Variants in FAAH2 observed in about 807,000 individuals in gnomAD.
FAAH2 encodes the protein fatty-acid amide hydrolase 2.
A neutral mutation model predicts 36.9 loss-of-function variants in FAAH2; 60 were observed. That is an observed-to-expected ratio of 1.63 (90% CI 1.32 to 2.02). FAAH2 has a LOEUF of 2.02. Among genes scored for constraint, FAAH2 ranks in the 30% most tolerant of loss-of-function variants. FAAH2 has a pLI of 0.00. For missense variants in FAAH2, 689 were observed against 397.5 expected (o/e 1.73, Z -6.23); for synonymous variants, 214 against 143.8 (o/e 1.49, Z -3.49).
intron 10 of FAAH2, among the ~76,000 whole-genome samples, chrX:57,464,980 A>G (rs1198297324): frequency 8.9e-6 from 1 of 112,053 alleles, no homozygotes; most frequent in Non-Finnish European, 1.9e-5. Flanking sequence ...AAAGAAAACC[A>G]TGTTCTAAGA....
At chrX:57,305,568 C>T (rs2052497916) in intron 2 of FAAH2, among the ~76,000 whole-genome samples, 1 of 111,460 alleles carries the variant, frequency 9.0e-6, no homozygotes, top group Non-Finnish European at 1.9e-5. Flanking sequence ...TTTTATTTTG[C>T]AAAAGCCAAA....
chrX:57,264,877 G>A, the FAAH2 span, among the ~76,000 whole-genome samples: 8 of 112,192 alleles, frequency 7.1e-5, no homozygotes, highest in East Asian at 8.4e-4. Context: ...TGCCTCTCAC[G>A]GAGAGGAACC....
intron 2 of FAAH2, among the ~76,000 whole-genome samples, chrX:57,306,656 C>G (rs1050669796): frequency 1.0e-5 from 1 of 100,436 alleles, no homozygotes; most frequent in African/African-American, 3.6e-5. Context: ...TTTCACTTGG[C>G]TCAAGTGTTC....
At chrX:57,240,125 C>G in the FAAH2 span, among the ~76,000 whole-genome samples, 3 of 111,887 alleles carry the variant, frequency 2.7e-5, no homozygotes, top group African/African-American at 9.8e-5. Context: ...TTTCAGAGTT[C>G]TTGCACTGGT....
the FAAH2 span, among the ~76,000 whole-genome samples, chrX:57,203,165 T>C: frequency 8.9e-6 from 1 of 112,057 alleles, no homozygotes; most frequent in Non-Finnish European, 1.9e-5. Flanking sequence ...TTTACCCACA[T>C]ATTTATTGAC....
chrX:57,429,531 A>G (rs1280610535), intron 7 of FAAH2, among the ~76,000 whole-genome samples: 1 of 111,407 alleles, frequency 9.0e-6, no homozygotes, highest in Non-Finnish European at 1.9e-5. Context: ...TCAAAAAATA[A>G]CAGATATTGG....
intron 2 of FAAH2, among the ~76,000 whole-genome samples, chrX:57,307,854 A>G (rs1458368267): frequency 1.8e-5 from 2 of 110,346 alleles, no homozygotes; most frequent in African/African-American, 6.6e-5. Flanking sequence ...AGCATCCAGT[A>G]TTTAGCTCCC....
the FAAH2 span, among the ~76,000 whole-genome samples, chrX:57,248,506 C>A: frequency 1.8e-5 from 2 of 110,760 alleles, no homozygotes; most frequent in Non-Finnish European, 3.8e-5. Flanking sequence ...GTAATCCCAG[C>A]TGTTTGGGAG....
chrX:57,448,769 A>C lies in FAAH2; in HGVS notation c.1423+51A>C, dbSNP rs1198673872. ...TGTAATCTTAAAGAAATAGAGATGT[A>C]TGTTTCCAAGGAAAGCATAATTTTC... On this transcript the variant is annotated intron_variant, in intron 10 of 10. Transcript: ENST00000374900. The C allele has an allele frequency of 3.6e-6, 4 of 1,104,995 alleles. No homozygotes were observed. In the South Asian group the frequency reaches 8.0e-5, roughly 22 times the overall value. The allele number at this position is 1,104,995 out of a possible 1,213,427, so 91.1% of individuals were successfully genotyped here.
intron 10 of FAAH2, among the ~76,000 whole-genome samples, chrX:57,451,854 G>A (rs1020114563): frequency 1.8e-5 from 2 of 112,359 alleles, no homozygotes; most frequent in African/African-American, 6.5e-5. Flanking sequence ...AATGTCACTG[G>A]AATAACACAG....
At chrX:57,163,987 A>G in the FAAH2 span, among the ~76,000 whole-genome samples, 9 of 112,474 alleles carry the variant, frequency 8.0e-5, no homozygotes, top group Non-Finnish European at 1.7e-4. Context: ...ATTAGGTATA[A>G]TAACTATCTG....
chrX:57,323,682 G>GTTTTTT (rs141756561), intron 3 of FAAH2, among the ~76,000 whole-genome samples: 2 of 63,505 alleles, frequency 3.1e-5, no homozygotes, highest in South Asian at 9.6e-4. Flanking sequence ...TGATGGGGTT[G>GTTTTTT]TTTTTTTTTT....
At chrX:57,292,082 C>A (rs1380498826) in intron 1 of FAAH2, among the ~76,000 whole-genome samples, 1 of 111,173 alleles carries the variant, frequency 9.0e-6, no homozygotes, top group African/African-American at 3.3e-5. Context: ...TATGTCTCCA[C>A]TCTCCAACTC....
At chrX:57,215,827 A>G in the FAAH2 span, among the ~76,000 whole-genome samples, 3 of 106,571 alleles carry the variant, frequency 2.8e-5, no homozygotes, top group Admixed American at 2.0e-4. Context: ...TGGTGGGGGC[A>G]AGGGGAAGGA....
intron 10 of FAAH2, among the ~76,000 whole-genome samples, chrX:57,462,417 C>T (rs2056976550): frequency 9.0e-6 from 1 of 111,468 alleles, no homozygotes; most frequent in Admixed American, 9.5e-5. Context: ...CAATAAAATA[C>T]TGGCAAACCG....
At chrX:57,125,136 TGG>T in the FAAH2 span, among the ~76,000 whole-genome samples, 90 of 112,845 alleles carry the variant, frequency 8.0e-4, no homozygotes, top group South Asian at 0.033. Context: ...ATATTGGCTG[TGG>T]GTTTGTCATA....
intron 3 of FAAH2, among the ~76,000 whole-genome samples, chrX:57,327,867 G>A (rs2053265526): frequency 8.9e-6 from 1 of 111,771 alleles, no homozygotes; most frequent in South Asian, 3.7e-4. Flanking sequence ...ATCCAGCTTT[G>A]TTGCATTGCT....
the FAAH2 span, among the ~76,000 whole-genome samples, chrX:57,148,351 G>A: frequency 9.0e-6 from 1 of 111,597 alleles, no homozygotes; most frequent in Non-Finnish European, 1.9e-5. Context: ...ATTACCTTGG[G>A]CATTAAGGCC....
intron 10 of FAAH2, among the ~76,000 whole-genome samples, chrX:57,474,323 T>A (rs991827400): frequency 2.1e-4 from 23 of 111,056 alleles, no homozygotes; most frequent in Non-Finnish European, 4.2e-4. Flanking sequence ...AAGCCCTGCA[T>A]TTATTAGGTA....
Sources: gnomAD v4.1 joint callset for allele counts (sites outside exome capture counted in the v4.1 genomes callset) on GRCh38, gnomAD v4.1.1 for gene constraint, MANE v1.5 for transcripts, NCBI Gene and HGNC (gene_info 2026-07-23, HGNC 2026-07-21) for gene names.